Variants in PODN observed in about 807,000 individuals in gnomAD.
The protein encoded by PODN is podocan proteoglycan.
A neutral mutation model predicts 52.7 loss-of-function variants in PODN; 40 were observed. The observed-to-expected ratio is 0.76, with a 90% CI of 0.59 to 0.99. The LOEUF is 0.99. PODN is among the 50% of genes least tolerant of loss of function. The pLI is 0.00. For synonymous variants in PODN, 396 were observed against 377.9 expected (o/e 1.05, Z -0.56); for missense variants, 720 against 815.1 (o/e 0.88, Z 1.42).
At chr1:53,077,020 G>A (rs1172543272) in intron 5 of PODN, among the ~76,000 whole-genome samples, 170 bp from the exon 6 acceptor site, 2 of 152,224 alleles carry the variant, frequency 1.3e-5, no homozygotes. Context: ...GCCCCTTCTG[G>A]TCCTTGGTTC....
intron 3 of PODN, chr1:53,072,993 C>T (rs964137371): frequency 2.5e-4 from 54 of 216,218 alleles, no homozygotes; most frequent in African/African-American, 1.1e-3. Flanking sequence ...ACCCGGGAGG[C>T]GGAGGTTGCA....
intron 1 of PODN, among the ~76,000 whole-genome samples, chr1:53,065,751 A>T (rs1644023062): frequency 6.6e-6 from 1 of 152,038 alleles, no homozygotes; most frequent in South Asian, 2.1e-4. Context: ...GCCTTTTTGT[A>T]TCACTCCTAG....
Position 53,084,348 on chromosome 1 carries a change from C to T in PODN, c.*28-165C>T, listed in dbSNP as rs933384301. ...GTGGGACCCAAAGGCCTTCTGGCAC[C>T]CCGCTGGCTCTGGGCTCCCAGGGCC... On this transcript the variant is annotated intron_variant, in intron 10 of 10. Transcript: ENST00000312553. Among the ~76,000 whole-genome samples, 8 of 151,526 alleles carry T rather than the reference C, an allele frequency of 5.3e-5. No homozygotes were observed. In the East Asian group the frequency reaches 1.4e-3, roughly 26 times the overall value.
intron 8 of PODN, among the ~76,000 whole-genome samples, chr1:53,079,816 G>A (rs763831621): frequency 2.6e-5 from 4 of 151,750 alleles, no homozygotes; most frequent in Non-Finnish European, 5.9e-5. Flanking sequence ...GCAACATAAT[G>A]AGACCTCATC....
At chr1:53,068,431 G>A (rs991190567) in intron 1 of PODN, among the ~76,000 whole-genome samples, 5 of 152,180 alleles carry the variant, frequency 3.3e-5, no homozygotes, top group Admixed American at 6.5e-5. Context: ...CCGTGCTGGA[G>A]GCATCCACAG....
chr1:53,083,185 G>A (rs1386343995), intron 10 of PODN, among the ~76,000 whole-genome samples: 3 of 152,218 alleles, frequency 2.0e-5, no homozygotes, highest in Non-Finnish European at 4.4e-5. Flanking sequence ...AGCCTTTTGA[G>A]AAGTTTGGCT....
At chr1:53,083,781 T>G (rs1238425285) in intron 10 of PODN, among the ~76,000 whole-genome samples, 1 of 151,862 alleles carries the variant, frequency 6.6e-6, no homozygotes, top group African/African-American at 2.4e-5. Context: ...GGAGGGCTGG[T>G]GGGCAGGGAC....
chr1:53,063,647 A>G, intron 1 of PODN: 1 of 899,542 alleles, frequency 1.1e-6, no homozygotes, highest in Non-Finnish European at 1.3e-6. Flanking sequence ...GTCCACTCTT[A>G]GGGCCCAAGA....
At chr1:53,076,782 A>C (rs997972160) in intron 5 of PODN, among the ~76,000 whole-genome samples, 4 of 152,170 alleles carry the variant, frequency 2.6e-5, no homozygotes, top group African/African-American at 9.7e-5. Flanking sequence ...ACTAGGGCCA[A>C]AGAGGCAGGC....
intron 1 of PODN, among the ~76,000 whole-genome samples, chr1:53,066,064 C>T (rs1033929639): frequency 6.3e-5 from 9 of 142,742 alleles, no homozygotes; most frequent in Non-Finnish European, 8.9e-5. Context: ...GGTGCGATCA[C>T]GGCTCACAGC....
Position 53,069,871 on chromosome 1 carries a change from G to GTGC in PODN, c.24_26dup (p.Leu13dup). Reference sequence around the variant, plus strand: ...TGCAGGCACCATGGCCCAGAGCCGGGTGCTGCTGCTCCTGCTGCTGCTGCC... The same window carrying GTGC: ...TGCAGGCACCATGGCCCAGAGCCGGGTGCTGCTGCTGCTCCTGCTGCTGCTGCC... On this transcript the variant is annotated inframe_insertion, in exon 2 of 11. Transcript: ENST00000312553. The GTGC allele has an allele frequency of 6.4e-7, 1 of 1,569,078 alleles. No individual in the cohort carries two copies.
chr1:53,076,917 CTG>C (rs1334655241), intron 5 of PODN, among the ~76,000 whole-genome samples: 1 of 152,164 alleles, frequency 6.6e-6, no homozygotes, highest in Non-Finnish European at 1.5e-5. Context: ...CAGGGGTCAA[CTG>C]AGACCTTGAA....
intron 1 of PODN, among the ~76,000 whole-genome samples, chr1:53,067,662 A>G (rs2150292937): frequency 6.6e-6 from 1 of 152,234 alleles, no homozygotes; most frequent in Non-Finnish European, 1.5e-5. Flanking sequence ...CATGCCTGTA[A>G]TCTCAGCACT....
chr1:53,080,715 G>A lies in PODN; in HGVS notation c.1513-13G>A, dbSNP rs1320112968. The A allele has an allele frequency of 4.3e-6, 7 of 1,612,582 alleles. No homozygotes were observed. The highest frequency in any genetic ancestry group is 1.7e-5 in the Admixed American group (1 of 59,870). On this transcript the variant is annotated splice_polypyrimidine_tract_variant and intron_variant, in intron 8 of 10. Coordinates refer to ENST00000312553, the MANE Select transcript of PODN (RefSeq NM_153703.5). ...CAGGTGGGAGTCCCTGACTCCCTTG[G>A]TCACCCCTGCAGCTGCTGGACATCG...
chr1:53,079,161 T>C (rs1050815801), intron 8 of PODN, 139 bp downstream of exon 8: 45 of 1,189,964 alleles, frequency 3.8e-5, no homozygotes, highest in Non-Finnish European at 4.9e-5. Flanking sequence ...GCTGAGCTCA[T>C]TCACCTTCAG....
intron 4 of PODN, among the ~76,000 whole-genome samples, chr1:53,075,521 C>A (rs577375863): frequency 6.6e-5 from 10 of 152,222 alleles, no homozygotes; most frequent in African/African-American, 2.4e-4. Flanking sequence ...GAAGCCAGAG[C>A]AACCTTGAAG....
intron 3 of PODN, chr1:53,073,493 G>C (rs1451299139): frequency 6.6e-6 from 1 of 152,218 alleles, no homozygotes; most frequent in Admixed American, 6.5e-5. Context: ...TAAGACCTGG[G>C]GGATGCGCAG....
At chr1:53,070,862 C>T (rs1406112696) in intron 2 of PODN, 2 of 153,044 alleles carry the variant, frequency 1.3e-5, no homozygotes, top group African/African-American at 4.8e-5. Context: ...GAGGGCAGCT[C>T]TTACTGTTGG....
At chr1:53,073,669 A>G (rs1439828943) in intron 3 of PODN, 2 of 152,272 alleles carry the variant, frequency 1.3e-5, no homozygotes, top group African/African-American at 4.8e-5. Context: ...GTAACATAAA[A>G]TGGAAAGAGA....
Sources: allele counts gnomAD v4.1 joint callset (sites outside exome capture counted in the v4.1 genomes callset), GRCh38; gene constraint gnomAD v4.1.1; transcripts MANE v1.5; gene names NCBI Gene and HGNC (gene_info 2026-07-23, HGNC 2026-07-21).